Variants in GFPT2 observed in about 807,000 individuals in gnomAD.
GFPT2 encodes the protein glutamine--fructose-6-phosphate transaminase 2, also known as glutamine--fructose-6-phosphate aminotransferase [isomerizing] 2.
In GFPT2, 62 loss-of-function variants were observed where a neutral mutation model predicts 85.6. The observed-to-expected ratio is 0.72, with a 90% CI of 0.59 to 0.90. The LOEUF is 0.90. Among genes scored for constraint, GFPT2 ranks in the 40% least tolerant of loss-of-function variants. The pLI is 0.00. For missense variants in GFPT2, 788 were observed against 893.4 expected, an observed-to-expected ratio of 0.88 and a Z score of 1.50; for synonymous variants, 368 against 344.5, an observed-to-expected ratio of 1.07 and a Z score of -0.75.
At chr5:180,341,541 T>C (rs1207267156) in intron 1 of GFPT2, among the ~76,000 whole-genome samples, 1 of 152,260 alleles carries the variant, frequency 6.6e-6, no homozygotes, top group Non-Finnish European at 1.5e-5. Context: ...TAAATTATAC[T>C]TAAATTCTTA....
At chr5:180,345,498 A>G (rs1764589453) in intron 1 of GFPT2, among the ~76,000 whole-genome samples, 1 of 152,254 alleles carries the variant, frequency 6.6e-6, no homozygotes, top group Admixed American at 6.5e-5. Context: ...GGCTCTTGCT[A>G]GCTCTTCGCA....
chr5:180,347,884 G>A (rs1764639490), intron 1 of GFPT2, among the ~76,000 whole-genome samples: 1 of 152,146 alleles, frequency 6.6e-6, no homozygotes, highest in South Asian at 2.1e-4. Context: ...GCAGCAGCCA[G>A]GTTGGGCCCA....
intron 17 of GFPT2, among the ~76,000 whole-genome samples, chr5:180,304,214 T>A (rs1763734682): frequency 6.6e-6 from 1 of 152,176 alleles, no homozygotes; most frequent in African/African-American, 2.4e-5. Flanking sequence ...TGGCTGTGAT[T>A]TATATCTTTT....
intron 13 of GFPT2, 121 bp downstream of exon 13, chr5:180,316,220 C>T: frequency 1.0e-6 from 1 of 997,318 alleles, no homozygotes; most frequent in Non-Finnish European, 1.5e-6. Context: ...TAAATGACCG[C>T]TGCAAGAGAG....
chr5:180,340,562 A>C (rs1319717370), intron 1 of GFPT2, among the ~76,000 whole-genome samples: 1 of 129,324 alleles, frequency 7.7e-6, no homozygotes. Flanking sequence ...CCCAGGCTGG[A>C]GTGCAGTGGT....
intron 5 of GFPT2, among the ~76,000 whole-genome samples, chr5:180,331,178 C>T (rs556209251): frequency 1.9e-4 from 29 of 152,354 alleles, no homozygotes; most frequent in Admixed American, 1.4e-3. Flanking sequence ...TCTGACTTTC[C>T]GTCCCAACTC....
intron 1 of GFPT2, among the ~76,000 whole-genome samples, chr5:180,351,992 C>T (rs1003536275): frequency 1.3e-5 from 2 of 152,200 alleles, no homozygotes; most frequent in African/African-American, 2.4e-5. Context: ...ACCACCTTTG[C>T]CTCATCTCTG....
rs1234376823 is a variant in GFPT2, at chr5:180,301,221, T to C, written c.*343A>G. 9 of 349,100 alleles carry C rather than the reference T, an allele frequency of 2.6e-5. No individual in the cohort carries two copies. In the East Asian group the frequency reaches 2.8e-4, roughly 11 times the overall value. The allele number at this position is 349,100 out of a possible 1,614,324, so 21.6% of individuals were successfully genotyped here. A position where few individuals can be genotyped will look rare whatever the true frequency, so the allele number is the denominator to read the frequency against. On this transcript the variant is annotated 3_prime_UTR_variant, in exon 19 of 19. Transcript: ENST00000253778. ...AACTTAAAAGCTATACAGTCGTCAT[T>C]ATAAATATCTTGTCTTTTAAAACTA...
chr5:180,329,237 C>T (rs975336230), intron 6 of GFPT2, among the ~76,000 whole-genome samples: 1 of 152,196 alleles, frequency 6.6e-6, no homozygotes, highest in Non-Finnish European at 1.5e-5. Context: ...TCCAGGTTGC[C>T]AACTCAGCTA....
intron 14 of GFPT2, 68 bp from the exon 15 acceptor site, chr5:180,312,612 C>A: frequency 1.2e-6 from 1 of 849,898 alleles, no homozygotes; most frequent in Non-Finnish European, 2.0e-6. Context: ...ATTTTTGAGA[C>A]AGGGTCTACT....
chr5:180,316,841 C>T lies in GFPT2; in HGVS notation c.1075G>A (p.Asp359Asn). 1 of 1,613,972 alleles carries T rather than the reference C, an allele frequency of 6.2e-7. No individual in the cohort carries two copies. The highest frequency in any genetic ancestry group is 1.3e-5 in the African/African-American group (1 of 75,044). Residue 359 changes from aspartate to asparagine, a missense_variant, in exon 12 of 19, where the codon GAC becomes AAC. Coordinates refer to ENST00000253778, the MANE Select transcript of GFPT2 (RefSeq NM_005110.4). ...CATCGTCGAATCTCCTTCAAGTGGT[C>T]CTTCAAGCCACCCAGGAGCACTGCA... The part of the protein sequence containing the change: ...TNTVLLGGLK[D>N]HLKEIRRCRR...
rs1355058367 is a variant in GFPT2 at position 180,323,210 on chromosome 5, T to C, written c.794+978A>G. 1.3e-5 allele frequency among the ~76,000 whole-genome samples: 2 copies of C among 152,192 alleles called. No homozygotes were observed. Among genetic ancestry groups the C allele is most frequent in the Admixed American group, 6.5e-5 (1 of 15,276 alleles). On this transcript the variant is annotated intron_variant, in intron 9 of 18. Coordinates refer to ENST00000253778, the MANE Select transcript of GFPT2 (RefSeq NM_005110.4). The surrounding 1 kb of genome is among the most constrained non-coding windows in gnomAD (Gnocchi z 4.0). The stretch of plus-strand genomic sequence containing the variant: ...CCGTGTTTTAGAATCACTGAAATAA[T>C]ACCAGCGTCTCGTTGGTATTCTCGG...
In GFPT2 at chr5:180,318,136, C is replaced by G. The variant is rs1286638874; in HGVS notation, c.958+657G>C. On this transcript the variant is annotated intron_variant, in intron 10 of 18. Transcript: ENST00000253778. This position sits in a 1 kb window ranked among gnomAD's most constrained non-coding sequence, Gnocchi z 4.2. ...GGAGCTGGAGGCAATGAAAAGGAAC[C>G]AGTCCTATGAGAAGAACAGCGAATG... Among the ~76,000 whole-genome samples the G allele has an allele frequency of 6.6e-6, 1 of 152,220 alleles. No individual in the cohort carries two copies. The highest frequency in any genetic ancestry group is 1.9e-4 in the East Asian group (1 of 5,164).
intron 2 of GFPT2, 95 bp from the exon 3 acceptor site, chr5:180,336,672 G>T: frequency 1.2e-6 from 1 of 829,828 alleles, no homozygotes; most frequent in Non-Finnish European, 2.1e-6. Context: ...CATGCCCCGG[G>T]CTGTCCGTTT....
In GFPT2 at chr5:180,315,247, A is replaced by C. The variant is rs545490736; in HGVS notation, c.1273+1094T>G. 4.7e-5 allele frequency among the ~76,000 whole-genome samples: 7 copies of C among 149,818 alleles called. No homozygotes were observed. The East Asian group carries it at 9.9e-4, about 21-fold the overall frequency. On this transcript the variant is annotated intron_variant, in intron 13 of 18. Transcript: ENST00000253778. Reference sequence around the variant, plus strand: ...GGCTGGAGTGCAGTGGCGCGATCTCAGCTCACTGCAAGCTCCGCCTCCCGG... The same window carrying C: ...GGCTGGAGTGCAGTGGCGCGATCTCCGCTCACTGCAAGCTCCGCCTCCCGG...
intron 17 of GFPT2, among the ~76,000 whole-genome samples, chr5:180,304,458 C>T (rs1267478772): frequency 1.3e-5 from 2 of 152,212 alleles, no homozygotes; most frequent in Non-Finnish European, 2.9e-5. Flanking sequence ...AGCTGCTTGG[C>T]CGCAGAACCT....
intron 7 of GFPT2, among the ~76,000 whole-genome samples, chr5:180,327,729 C>T (rs924804414): frequency 2.0e-5 from 3 of 152,212 alleles, no homozygotes; most frequent in African/African-American, 7.2e-5. Flanking sequence ...TAACCTGCTT[C>T]TGTAAATCCA....
intron 15 of GFPT2, among the ~76,000 whole-genome samples, chr5:180,311,713 C>A (rs77829737): frequency 0.32 from 48,254 of 151,642 alleles, 7,903 homozygotes; most frequent in East Asian, 0.45. Context: ...AACAGGTGAA[C>A]AGGGAATTTC....
chr5:180,306,790 C>T (rs1329451526), intron 16 of GFPT2, among the ~76,000 whole-genome samples: 1 of 152,194 alleles, frequency 6.6e-6, no homozygotes, highest in African/African-American at 2.4e-5. Flanking sequence ...GATACTTAAG[C>T]TTTCAGAGGC....
Sources: allele counts gnomAD v4.1 joint callset (sites outside exome capture counted in the v4.1 genomes callset), GRCh38; gene constraint gnomAD v4.1.1; non-coding constraint Gnocchi (gnomAD v3.1); transcripts MANE v1.5; gene names NCBI Gene and HGNC (gene_info 2026-07-23, HGNC 2026-07-21).